The following DOCK1 variants were observed in gnomAD, a reference collection of about 807,000 sequenced individuals.
The protein encoded by DOCK1 is dedicator of cytokinesis 1, also known as dedicator of cytokinesis protein 1.
A neutral mutation model predicts 262.7 loss-of-function variants in DOCK1; 138 were observed. The ratio of observed to expected loss-of-function variants is 0.53; its 90% CI spans 0.46 to 0.61. DOCK1 has a LOEUF of 0.61. Among genes scored for constraint, DOCK1 ranks in the 20% least tolerant of loss-of-function variants. DOCK1 has a pLI of 0.00. For synonymous variants in DOCK1, 866 were observed against 867.4 expected (o/e 1.00, Z 0.03); for missense variants, 1,908 against 2,370.7 (o/e 0.80, Z 4.05).
intron 25 of DOCK1, among the ~76,000 whole-genome samples, chr10:127,111,241 G>T (rs981908625): frequency 2.6e-5 from 4 of 152,074 alleles, no homozygotes; most frequent in African/African-American, 9.7e-5. Flanking sequence ...TTCTTTCTTG[G>T]CTTAACCTTA....
At chr10:126,929,877 A>G (rs2034054304) in intron 1 of DOCK1, among the ~76,000 whole-genome samples, 1 of 152,212 alleles carries the variant, frequency 6.6e-6, no homozygotes, top group African/African-American at 2.4e-5. Context: ...TTAGAAGGTC[A>G]CAGTGTTGTG....
chr10:127,275,001 G>A (rs1356510263), intron 29 of DOCK1, among the ~76,000 whole-genome samples: 1 of 152,088 alleles, frequency 6.6e-6, no homozygotes, highest in Non-Finnish European at 1.5e-5. Context: ...TAATTCTCAG[G>A]TGCCCAGGAG....
Position 127,174,333 on chromosome 10 carries a change from C to T in DOCK1, c.2847+46569C>T, listed in dbSNP as rs74158631. Among the ~76,000 whole-genome samples, 1,125 of 152,254 alleles carry T rather than the reference C, an allele frequency of 7.4e-3. 15 individuals carry two copies. Among genetic ancestry groups the T allele is most frequent in the African/African-American group, 0.024 (998 of 41,548 alleles). On this transcript the variant is annotated intron_variant, in intron 27 of 51. Transcript: ENST00000623213. ...GCAAGAGAGGTCTCGGCAATCCAGG[C>T]GAAGTCCGATAACCCCCAGACCCAG...
chr10:127,195,054 C>A (rs1208329981), intron 27 of DOCK1, among the ~76,000 whole-genome samples: 1 of 152,204 alleles, frequency 6.6e-6, no homozygotes, highest in East Asian at 1.9e-4. Context: ...AGGCACCTCT[C>A]CTCCCCCACT....
intron 16 of DOCK1, among the ~76,000 whole-genome samples, chr10:127,029,114 A>C (rs942180057): frequency 2.0e-5 from 3 of 152,254 alleles, no homozygotes; most frequent in Non-Finnish European, 4.4e-5. Flanking sequence ...CTCATTATAG[A>C]CAAGATGCTA....
intron 35 of DOCK1, 84 bp downstream of exon 35, chr10:127,374,298 ACAGT>A: frequency 6.9e-7 from 1 of 1,451,602 alleles, no homozygotes; most frequent in Non-Finnish European, 9.1e-7. Context: ...CTTATCTATG[ACAGT>A]CAGCCACGAA....
rs555003495 is a variant in DOCK1 at position 127,008,047 on chromosome 10, G to T, written c.986-685G>T. Reference sequence around the variant, plus strand: ...GTGACTAGTTAAATTTAAATTAAATGAATGAAATAAAAGTAAATTTTCAGT... The same window carrying T: ...GTGACTAGTTAAATTTAAATTAAATTAATGAAATAAAAGTAAATTTTCAGT... On this transcript the variant is annotated intron_variant, in intron 10 of 51. Coordinates refer to ENST00000623213, the MANE Select transcript of DOCK1 (RefSeq NM_001290223.2). 5.9e-5 allele frequency among the ~76,000 whole-genome samples: 9 copies of T among 152,206 alleles called. No individual in the cohort carries two copies. In the East Asian group the frequency reaches 1.7e-3, roughly 29 times the overall value.
intron 27 of DOCK1, among the ~76,000 whole-genome samples, chr10:127,245,773 G>A (rs2059413121): frequency 6.6e-6 from 1 of 152,102 alleles, no homozygotes; most frequent in Non-Finnish European, 1.5e-5. Flanking sequence ...ACCCCCTCAA[G>A]GATTATGCTT....
chr10:127,193,866 C>T (rs1294793858), intron 27 of DOCK1, among the ~76,000 whole-genome samples: 1 of 152,156 alleles, frequency 6.6e-6, no homozygotes, highest in African/African-American at 2.4e-5. Context: ...ATAGAGTACC[C>T]AGCCTCCCAT....
chr10:127,084,096 T>G (rs1294691319), intron 23 of DOCK1, among the ~76,000 whole-genome samples: 1 of 152,226 alleles, frequency 6.6e-6, no homozygotes, highest in East Asian at 1.9e-4. Context: ...ACCTCCTTTA[T>G]CCTTAAATCC....
At chr10:126,949,815 C>T (rs1446569365) in intron 1 of DOCK1, among the ~76,000 whole-genome samples, 1 of 151,836 alleles carries the variant, frequency 6.6e-6, no homozygotes, top group Non-Finnish European at 1.5e-5. Flanking sequence ...ATGTCTCTGG[C>T]TGGTTTTATG....
intron 27 of DOCK1, among the ~76,000 whole-genome samples, chr10:127,130,719 C>T (rs538981526): frequency 6.6e-5 from 10 of 152,330 alleles, no homozygotes; most frequent in African/African-American, 2.4e-4. Context: ...GGAAGATTCT[C>T]ATTTAATTCT....
chr10:127,362,308 G>C, intron 33 of DOCK1, 96 bp downstream of exon 33: 1 of 1,337,116 alleles, frequency 7.5e-7, no homozygotes, highest in African/African-American at 1.5e-5. Flanking sequence ...AGAGTTAAAG[G>C]TGCCAACGTG....
chr10:127,374,235 G>T (rs764364569), intron 35 of DOCK1, 21 bp downstream of exon 35: 4 of 1,593,946 alleles, frequency 2.5e-6, no homozygotes, highest in Middle Eastern at 1.7e-4. Context: ...GCTTAATCAC[G>T]TTTTTTCAGT....
rs1564883520 is a variant in DOCK1 at position 127,186,503 on chromosome 10, A to ACCCCCCCCCCCCCCCCCCCCCC, written c.2847+58739_2847+58740insCCCCCCCCCCCCCCCCCCCCCC. Among the ~76,000 whole-genome samples the ACCCCCCCCCCCCCCCCCCCCCC allele has an allele frequency of 1.1e-4, 2 of 18,746 alleles. 1 individual carries two copies. The highest frequency in any genetic ancestry group is 2.9e-4 in the Non-Finnish European group (2 of 6,984). The allele number at this position is 18,746 out of a possible 152,430, so 12.3% of individuals were successfully genotyped here. A position where few individuals can be genotyped will look rare whatever the true frequency, so the allele number is the denominator to read the frequency against. ...ACAATCATGATAACAGCATGGGAGA[A>ACCCCCCCCCCCCCCCCCCCCCC]ACCGCCCCCCCGCCCCCCCCCGATC... On this transcript the variant is annotated intron_variant, in intron 27 of 51. Coordinates refer to ENST00000623213, the MANE Select transcript of DOCK1 (RefSeq NM_001290223.2).
At chr10:127,137,957 AG>A in intron 27 of DOCK1, 1 of 1,614,088 alleles carries the variant, frequency 6.2e-7, no homozygotes, top group East Asian at 2.2e-5. Context: ...TTTCCTCAAT[AG>A]GGTGGAGTTT....
At chr10:127,184,235 C>T (rs2056003628) in intron 27 of DOCK1, among the ~76,000 whole-genome samples, 1 of 152,164 alleles carries the variant, frequency 6.6e-6, no homozygotes, top group African/African-American at 2.4e-5. Context: ...CGAGACCCAT[C>T]TCCAACTTAG....
intron 27 of DOCK1, among the ~76,000 whole-genome samples, chr10:127,195,525 C>CT (rs201799264): frequency 0.013 from 2,010 of 151,628 alleles, 27 homozygotes; most frequent in Non-Finnish European, 0.019. Flanking sequence ...CCAACTCATC[C>CT]CCCCCCCGAA....
At chr10:127,431,749 G>C (rs1168056421) in intron 47 of DOCK1, among the ~76,000 whole-genome samples, 1 of 152,188 alleles carries the variant, frequency 6.6e-6, no homozygotes, top group Middle Eastern at 3.2e-3. Context: ...TGTATTATCT[G>C]TGGCTGCTTT....
Sources: allele counts gnomAD v4.1 joint callset (sites outside exome capture counted in the v4.1 genomes callset), GRCh38; gene constraint gnomAD v4.1.1; transcripts MANE v1.5; gene names NCBI Gene and HGNC (gene_info 2026-07-23, HGNC 2026-07-21).